The following ANAPC1 variants were observed in gnomAD, a reference collection of about 807,000 sequenced individuals.
The protein encoded by ANAPC1 is anaphase-promoting complex subunit 1.
In ANAPC1, 36 loss-of-function variants were observed where a neutral mutation model predicts 208.0. The observed-to-expected ratio is 0.17, with a 90% CI of 0.13 to 0.23. The LOEUF is 0.23. Ranked by LOEUF, ANAPC1 falls within the 10% of genes least tolerant of loss-of-function variation. The pLI, the probability that ANAPC1 is intolerant of heterozygous loss-of-function variation, is 1.00. For synonymous variants in ANAPC1, 378 were observed against 695.2 expected, an observed-to-expected ratio of 0.54 and a Z score of 7.18; for missense variants, 942 against 2,011.6, an observed-to-expected ratio of 0.47 and a Z score of 10.17.
chr2:111,791,766 G>A (rs964164782), intron 38 of ANAPC1, among the ~76,000 whole-genome samples: 1 of 151,944 alleles, frequency 6.6e-6, no homozygotes. Flanking sequence ...TGATTGAGAG[G>A]GGTGCATGGC....
intron 3 of ANAPC1, among the ~76,000 whole-genome samples, 198 bp from the exon 4 acceptor site, chr2:111,873,862 AAT>A (rs1440277875): frequency 6.6e-6 from 1 of 152,076 alleles, no homozygotes; most frequent in Non-Finnish European, 1.5e-5. Context: ...GGAAAGGCAA[AAT>A]ATGTTTACAA....
intron 7 of ANAPC1, among the ~76,000 whole-genome samples, chr2:111,866,753 T>A (rs1276567631): frequency 9.2e-6 from 1 of 108,114 alleles, no homozygotes; most frequent in Non-Finnish European, 1.9e-5. Flanking sequence ...ATAAAACGAC[T>A]AAAAACAGAC....
chr2:111,823,170 C>T (rs1398207832), intron 24 of ANAPC1, among the ~76,000 whole-genome samples: 7 of 150,610 alleles, frequency 4.6e-5, no homozygotes, highest in East Asian at 3.9e-4. Flanking sequence ...CCACCATGCC[C>T]GGCTAATTTT....
intron 13 of ANAPC1, among the ~76,000 whole-genome samples, chr2:111,851,581 C>T (rs1444206609): frequency 2.6e-5 from 4 of 151,554 alleles, no homozygotes; most frequent in Non-Finnish European, 4.4e-5. Context: ...CCGAGGCGGG[C>T]GGATCACAAG....
intron 18 of ANAPC1, 29 bp downstream of exon 18, chr2:111,838,409 T>G (rs1277529161): frequency 1.3e-6 from 2 of 1,550,692 alleles, no homozygotes; most frequent in Admixed American, 2.1e-5. Context: ...ATAAATTAAT[T>G]TATATTAGCA....
chr2:111,853,614 G>A (rs576460936), intron 13 of ANAPC1, among the ~76,000 whole-genome samples: 1 of 151,918 alleles, frequency 6.6e-6, no homozygotes, highest in East Asian at 1.9e-4. Flanking sequence ...CATGAGGGTT[G>A]GAATCAACTT....
In ANAPC1 at chr2:111,826,658, T is replaced by C. The variant is rs1028086001; in HGVS notation, c.2626-803A>G. On this transcript the variant is annotated intron_variant, in intron 21 of 47. Transcript: ENST00000341068. ...ACTATGACCAAAGCTGCTTTATTTA[T>C]TTATTTATTTTTTTTTTTTTTGAGA... Among the ~76,000 whole-genome samples, 4 of 90,792 alleles carry C rather than the reference T, an allele frequency of 4.4e-5. No homozygotes were observed. In the Admixed American group the frequency reaches 4.6e-4, roughly 11 times the overall value. The allele number at this position is 90,792 out of a possible 152,430, so 59.6% of individuals were successfully genotyped here.
At chr2:111,836,613 G>C (rs141249977) in intron 18 of ANAPC1, among the ~76,000 whole-genome samples, 31 of 151,314 alleles carry the variant, frequency 2.0e-4, no homozygotes, top group African/African-American at 7.5e-4. Context: ...CATCACTGCA[G>C]TCCAGCGTAG....
chr2:111,810,361 TG>T (rs1678910545), intron 28 of ANAPC1, among the ~76,000 whole-genome samples: 1 of 151,824 alleles, frequency 6.6e-6, no homozygotes, highest in East Asian at 1.9e-4. Context: ...GGTTCCTTTA[TG>T]GGGTGAAAAG....
chr2:111,838,193 C>A (rs113144173), intron 18 of ANAPC1, among the ~76,000 whole-genome samples: 2 of 151,950 alleles, frequency 1.3e-5, no homozygotes, highest in Admixed American at 6.6e-5. Flanking sequence ...TCAGTTGATA[C>A]TAAAATGTCT....
chr2:111,790,165 G>C (rs1328687698), intron 38 of ANAPC1, among the ~76,000 whole-genome samples: 1 of 151,922 alleles, frequency 6.6e-6, no homozygotes, highest in African/African-American at 2.4e-5. Flanking sequence ...ATATATACAG[G>C]GGTATACCAT....
chr2:111,819,381 T>C, intron 26 of ANAPC1: 4 of 486,234 alleles, frequency 8.2e-6, no homozygotes, highest in Non-Finnish European at 1.0e-5. Flanking sequence ...CCTCCTCCCA[T>C]CCCTTTTGCC....
intron 37 of ANAPC1, among the ~76,000 whole-genome samples, chr2:111,792,768 T>A (rs976004190): frequency 4.0e-5 from 6 of 151,732 alleles, no homozygotes; most frequent in Non-Finnish European, 8.8e-5. Context: ...CCGGCTAACA[T>A]GGTGAAACCC....
chr2:111,843,420 T>G lies in ANAPC1; in HGVS notation c.2032A>C (p.Thr678Pro), dbSNP rs779039406. ...MGYNTDRLAW[T>P]RNFDFEGSLS... ...CAATAGTATTTACTTACATTTCTAGTCCATGCTAAGCGGTCTGTGTTATAA... is the reference window on the plus strand; with the variant it reads ...CAATAGTATTTACTTACATTTCTAGGCCATGCTAAGCGGTCTGTGTTATAA... Residue 678 changes from threonine to proline, a missense_variant, in exon 17 of 48, where the codon ACT (threonine) becomes CCT (proline). Transcript: ENST00000341068. 1.2e-6 allele frequency: 2 copies of G among 1,611,980 alleles called. No homozygotes were observed. Among genetic ancestry groups the G allele is most frequent in the Admixed American group, 1.7e-5 (1 of 60,024 alleles).
intron 1 of ANAPC1, among the ~76,000 whole-genome samples, chr2:111,881,303 C>A (rs1337872104): frequency 1.3e-5 from 2 of 152,038 alleles, no homozygotes; most frequent in African/African-American, 2.4e-5. Context: ...CAATAAAAAA[C>A]CACACATTAC....
chr2:111,840,283 A>G (rs1194202181), intron 17 of ANAPC1, among the ~76,000 whole-genome samples: 3 of 152,184 alleles, frequency 2.0e-5, no homozygotes, highest in Non-Finnish European at 4.4e-5. Context: ...AACAAAAAGA[A>G]TAAATCTGAA....
At chr2:111,787,574 G>A (rs566691657) in intron 39 of ANAPC1, among the ~76,000 whole-genome samples, 1 of 152,312 alleles carries the variant, frequency 6.6e-6, no homozygotes, top group South Asian at 2.1e-4. Context: ...CAGGGCTCAG[G>A]TGTCTTATAG....
chr2:111,871,194 T>C lies in ANAPC1; in HGVS notation c.611+1436A>G, dbSNP rs188963081. ...TTTTGGTTCCACATGAATTTTAGAA[T>C]TGTTTTTTCTAACTCTATAAAAAAA... On this transcript the variant is annotated intron_variant, in intron 6 of 47. Coordinates refer to ENST00000341068, the MANE Select transcript of ANAPC1 (RefSeq NM_022662.4). 3.3e-5 allele frequency among the ~76,000 whole-genome samples: 5 copies of C among 152,272 alleles called. No individual in the cohort carries two copies. The East Asian group carries it at 7.7e-4, about 23-fold the overall frequency.
intron 18 of ANAPC1, 49 bp from the exon 19 acceptor site, chr2:111,834,921 T>C (rs1411748853): frequency 2.3e-6 from 3 of 1,313,704 alleles, no homozygotes; most frequent in South Asian, 2.1e-5. Context: ...TACCTCCTTA[T>C]AATATCATAA....
Sources: allele counts gnomAD v4.1 joint callset (sites outside exome capture counted in the v4.1 genomes callset), GRCh38; gene constraint gnomAD v4.1.1; transcripts MANE v1.5; gene names NCBI Gene and HGNC (gene_info 2026-07-23, HGNC 2026-07-21).